Variants in MIR2052HG observed in about 807,000 individuals in gnomAD.
The protein encoded by MIR2052HG is MIR2052 host gene.
At chr8:74,635,585 G>T (rs892334386) in intron 2 of MIR2052HG, among the ~76,000 whole-genome samples, 2 of 152,178 alleles carry the variant, frequency 1.3e-5, no homozygotes, top group Non-Finnish European at 2.9e-5. Flanking sequence ...TCAAACTGGG[G>T]TCATCTTTAA....
chr8:74,702,231 A>C (rs1563535317), intron 2 of MIR2052HG: 1 of 198,690 alleles, frequency 5.0e-6, no homozygotes, highest in African/African-American at 2.3e-5. Flanking sequence ...CCTTTATAGG[A>C]GTTCACAGAA....
rs142823919 is a variant in MIR2052HG, at chr8:74,608,290, G to A, written n.129-4563G>A. ...AAGGTTATAATTGCATTTCTAAAGG[G>A]CTAAATAGGAAATAGGGAATGGGGG... On this transcript the variant is annotated intron_variant and non_coding_transcript_variant, in intron 1 of 6. Transcript: ENST00000523442. Among the ~76,000 whole-genome samples, 194 of 152,136 alleles carry A rather than the reference G, an allele frequency of 1.3e-3. 1 individual carries two copies. The highest frequency in any genetic ancestry group is 4.1e-3 in the African/African-American group (171 of 41,466).
intron 2 of MIR2052HG, among the ~76,000 whole-genome samples, chr8:74,679,692 TTTTTGTTTTG>T (rs527703635): frequency 4.0e-5 from 6 of 151,776 alleles, no homozygotes; most frequent in South Asian, 2.1e-4. Flanking sequence ...CCGGCTAAAT[TTTTTGTTTTG>T]TTTTGTTTTG....
At chr8:74,616,373 G>A (rs185315651) in intron 2 of MIR2052HG, among the ~76,000 whole-genome samples, 1 of 148,772 alleles carries the variant, frequency 6.7e-6, no homozygotes, top group East Asian at 2.0e-4. Context: ...GTGATGATGA[G>A]CATTTTTTTC....
intron 2 of MIR2052HG, among the ~76,000 whole-genome samples, chr8:74,626,070 C>A (rs145488559): frequency 0.019 from 2,822 of 152,268 alleles, 39 homozygotes; most frequent in Non-Finnish European, 0.025. Context: ...TGAAACAGGA[C>A]CGTCTCCAGC....
chr8:74,720,998 C>T (rs560249470), intron 4 of MIR2052HG, among the ~76,000 whole-genome samples: 6 of 152,300 alleles, frequency 3.9e-5, no homozygotes, highest in Non-Finnish European at 8.8e-5. Context: ...TGTGGGATTA[C>T]AATTCAATAT....
At chr8:74,745,821 T>G (rs1809879468) in intron 4 of MIR2052HG, among the ~76,000 whole-genome samples, 1 of 152,108 alleles carries the variant, frequency 6.6e-6, no homozygotes, top group Non-Finnish European at 1.5e-5. Context: ...AAAATAGAAT[T>G]CACACTGAGT....
At chr8:74,676,873 T>A (rs1383792099) in intron 2 of MIR2052HG, among the ~76,000 whole-genome samples, 1 of 151,994 alleles carries the variant, frequency 6.6e-6, no homozygotes, top group East Asian at 1.9e-4. Flanking sequence ...GTGGTAATCA[T>A]TTCACAATGT....
chr8:74,612,099 G>C (rs1286134598), intron 1 of MIR2052HG, among the ~76,000 whole-genome samples: 1 of 152,182 alleles, frequency 6.6e-6, no homozygotes, highest in Non-Finnish European at 1.5e-5. Context: ...TTGTACCCCA[G>C]TGGCCGCATG....
At chr8:74,683,411 T>C (rs1207440302) in intron 2 of MIR2052HG, among the ~76,000 whole-genome samples, 1 of 152,120 alleles carries the variant, frequency 6.6e-6, no homozygotes, top group East Asian at 1.9e-4. Flanking sequence ...AGCTGTAAAC[T>C]ATATAATACA....
At chr8:74,626,097 C>T (rs1458202019) in intron 2 of MIR2052HG, among the ~76,000 whole-genome samples, 1 of 152,128 alleles carries the variant, frequency 6.6e-6, no homozygotes, top group Non-Finnish European at 1.5e-5. Flanking sequence ...CTCTACAATG[C>T]AGCACTGGAC....
At chr8:74,613,092 T>C (rs1808223887) in intron 2 of MIR2052HG, among the ~76,000 whole-genome samples, 1 of 152,176 alleles carries the variant, frequency 6.6e-6, no homozygotes, top group Admixed American at 6.5e-5. Flanking sequence ...GTTTTGTGGG[T>C]AGAGGTTCAG....
chr8:74,745,770 C>A (rs144587900), intron 4 of MIR2052HG, among the ~76,000 whole-genome samples: 3 of 152,090 alleles, frequency 2.0e-5, no homozygotes, highest in African/African-American at 7.2e-5. Context: ...TTGAAAAGAG[C>A]CTTGCAGCAA....
chr8:74,677,626 A>G (rs1809069090), intron 2 of MIR2052HG, among the ~76,000 whole-genome samples: 2 of 152,240 alleles, frequency 1.3e-5, no homozygotes, highest in South Asian at 2.1e-4. Flanking sequence ...AATATAAGGT[A>G]CTATGAAGAA....
intron 4 of MIR2052HG, among the ~76,000 whole-genome samples, chr8:74,735,264 C>T (rs532727652): frequency 1.3e-5 from 2 of 152,214 alleles, no homozygotes; most frequent in Non-Finnish European, 2.9e-5. Context: ...CTCCTTTCAG[C>T]TGGCCATTGT....
intron 4 of MIR2052HG, among the ~76,000 whole-genome samples, chr8:74,727,024 G>A (rs573863500): frequency 3.3e-5 from 5 of 152,144 alleles, no homozygotes; most frequent in East Asian, 1.9e-4. Flanking sequence ...AAAAAATCCC[G>A]TCTGTACAGA....
At chr8:74,600,739 C>G (rs1807988422) in intron 1 of MIR2052HG, among the ~76,000 whole-genome samples, 1 of 151,974 alleles carries the variant, frequency 6.6e-6, no homozygotes, top group African/African-American at 2.4e-5. Flanking sequence ...CCATGCCCAG[C>G]TAATTTTTGT....
chr8:74,662,172 C>T (rs1166957644), intron 2 of MIR2052HG, among the ~76,000 whole-genome samples: 2 of 152,086 alleles, frequency 1.3e-5, no homozygotes, highest in Non-Finnish European at 2.9e-5. Flanking sequence ...CTCTTAGAAT[C>T]TAGATTATAA....
intron 2 of MIR2052HG, among the ~76,000 whole-genome samples, chr8:74,673,049 T>G (rs1809009636): frequency 6.6e-6 from 1 of 151,958 alleles, no homozygotes; most frequent in South Asian, 2.1e-4. Flanking sequence ...TGACACTGCT[T>G]AATAATAAAG....
Sources: gnomAD v4.1 joint callset for allele counts (sites outside exome capture counted in the v4.1 genomes callset) on GRCh38, gnomAD v4.1.1 for gene constraint, MANE v1.5 for transcripts, NCBI Gene and HGNC (gene_info 2026-07-23, HGNC 2026-07-21) for gene names.